Variants in TENM3 observed in about 807,000 individuals in gnomAD.
TENM3 encodes teneurin-3.
Under a neutral mutation model 255.1 loss-of-function variants are expected in TENM3, and 63 were observed. The observed-to-expected ratio is 0.25, with a 90% confidence interval of 0.20 to 0.30. The LOEUF is 0.30. Among genes scored for constraint, TENM3 ranks in the 10% least tolerant of loss-of-function variants. TENM3 has a pLI of 1.00. For synonymous variants in TENM3, 1,306 were observed against 1,322.3 expected, an observed-to-expected ratio of 0.99 and a Z score of 0.27; for missense variants, 2,929 against 3,461.1, an observed-to-expected ratio of 0.85 and a Z score of 3.86.
the TENM3 span, among the ~76,000 whole-genome samples, chr4:182,118,507 C>T: frequency 0.01 from 1,527 of 152,022 alleles, 11 homozygotes; most frequent in Non-Finnish European, 0.016. Context: ...TCTTGAACTC[C>T]TGGCCCCAAG....
the TENM3 span, among the ~76,000 whole-genome samples, chr4:181,761,263 T>C: frequency 6.6e-6 from 1 of 152,136 alleles, no homozygotes; most frequent in East Asian, 1.9e-4. Context: ...AAAATAAAAA[T>C]CGTGCTTATA....
intron 1 of TENM3, among the ~76,000 whole-genome samples, chr4:182,156,011 ATT>A (rs56399249): frequency 0.37 from 44,370 of 118,898 alleles, 6,562 homozygotes; most frequent in South Asian, 0.49. Flanking sequence ...CTGTTTGAGG[ATT>A]TTTTTTTTTT....
intron 13 of TENM3, among the ~76,000 whole-genome samples, chr4:182,725,769 G>T (rs927479255): frequency 6.6e-6 from 1 of 151,506 alleles, no homozygotes; most frequent in Non-Finnish European, 1.5e-5. Flanking sequence ...CCAAGTAGCT[G>T]AGATTACAGG....
the TENM3 span, among the ~76,000 whole-genome samples, chr4:182,057,000 CTGA>C: frequency 6.6e-6 from 1 of 151,008 alleles, no homozygotes; most frequent in Non-Finnish European, 1.5e-5. Flanking sequence ...TCAGATACGG[CTGA>C]TTTCTGAAGA....
At chr4:181,468,221 G>C in the TENM3 span, among the ~76,000 whole-genome samples, 106,496 of 151,600 alleles carry the variant, frequency 0.7, 37,762 homozygotes, top group Non-Finnish European at 0.74. Flanking sequence ...TTGTAGTGAG[G>C]CATGATTGCA....
chr4:181,707,318 T>G, the TENM3 span, among the ~76,000 whole-genome samples: 1 of 152,166 alleles, frequency 6.6e-6, no homozygotes, highest in Non-Finnish European at 1.5e-5. Flanking sequence ...GCCGGGCCCA[T>G]TTTTCTCTCT....
At chr4:182,696,993 T>C (rs1218751183) in intron 12 of TENM3, among the ~76,000 whole-genome samples, 1 of 152,088 alleles carries the variant, frequency 6.6e-6, no homozygotes, top group Non-Finnish European at 1.5e-5. Flanking sequence ...AGTTTACTCA[T>C]CTATAAAGTG....
intron 2 of TENM3, among the ~76,000 whole-genome samples, chr4:182,328,513 G>C (rs1763557046): frequency 6.6e-6 from 1 of 151,344 alleles, no homozygotes; most frequent in Non-Finnish European, 1.5e-5. Flanking sequence ...ACTGCACCCG[G>C]CCAGGACTCT....
At chr4:181,582,911 C>CA in the TENM3 span, among the ~76,000 whole-genome samples, 9 of 151,964 alleles carry the variant, frequency 5.9e-5, no homozygotes, top group Admixed American at 5.9e-4. Flanking sequence ...GTGGTCTGAG[C>CA]AAAAACTACT....
the TENM3 span, among the ~76,000 whole-genome samples, chr4:181,744,177 G>A: frequency 6.6e-6 from 1 of 152,184 alleles, no homozygotes; most frequent in Non-Finnish European, 1.5e-5. Context: ...TGGCTGCATA[G>A]TATTCCATGG....
At chr4:182,399,204 T>G (rs867535417) in intron 3 of TENM3, among the ~76,000 whole-genome samples, 3 of 152,210 alleles carry the variant, frequency 2.0e-5, no homozygotes, top group Non-Finnish European at 1.5e-5. Context: ...TTGGCTAAAC[T>G]ATGAGTTATA....
At chr4:182,715,843 C>T (rs978424511) in intron 13 of TENM3, among the ~76,000 whole-genome samples, 14 of 152,288 alleles carry the variant, frequency 9.2e-5, no homozygotes, top group Non-Finnish European at 1.6e-4. Context: ...CTTATCCTTC[C>T]GACAAGGTGC....
At chr4:182,110,571 C>A in the TENM3 span, among the ~76,000 whole-genome samples, 1 of 152,138 alleles carries the variant, frequency 6.6e-6, no homozygotes. Flanking sequence ...TGCAATCCAC[C>A]TGCCTTGGCC....
chr4:182,129,009 G>A, the TENM3 span, among the ~76,000 whole-genome samples: 1 of 152,184 alleles, frequency 6.6e-6, no homozygotes, highest in Non-Finnish European at 1.5e-5. Context: ...CAGGTCACGA[G>A]GGAAGAAAAT....
intron 1 of TENM3, among the ~76,000 whole-genome samples, chr4:182,270,700 T>G (rs1390494776): frequency 6.6e-6 from 1 of 152,208 alleles, no homozygotes; most frequent in East Asian, 1.9e-4. Context: ...TACAGAGACC[T>G]AAGGTACACA....
At chr4:182,670,742 G>T (rs1180801212) in intron 6 of TENM3, among the ~76,000 whole-genome samples, 1 of 152,034 alleles carries the variant, frequency 6.6e-6, no homozygotes, top group Non-Finnish European at 1.5e-5. Flanking sequence ...GATCCTATAG[G>T]CCATAAACTG....
chr4:181,696,122 A>G, the TENM3 span, among the ~76,000 whole-genome samples: 1 of 152,182 alleles, frequency 6.6e-6, no homozygotes. Flanking sequence ...AACATGGTGA[A>G]TCGTAAGACT....
At chr4:181,478,187 G>A in the TENM3 span, among the ~76,000 whole-genome samples, 2 of 152,162 alleles carry the variant, frequency 1.3e-5, no homozygotes, top group African/African-American at 4.8e-5. Context: ...CACAATTACA[G>A]TTTTGCTCAT....
At chr4:182,248,815 G>A (rs1219028329) in intron 1 of TENM3, among the ~76,000 whole-genome samples, 1 of 152,168 alleles carries the variant, frequency 6.6e-6, no homozygotes, top group Non-Finnish European at 1.5e-5. Flanking sequence ...CTACCAAAGG[G>A]TTGCAAATGA....
Sources: gnomAD v4.1 joint callset for allele counts (sites outside exome capture counted in the v4.1 genomes callset) on GRCh38, gnomAD v4.1.1 for gene constraint, MANE v1.5 for transcripts, NCBI Gene and HGNC (gene_info 2026-07-23, HGNC 2026-07-21) for gene names.